PEG3: variants seen among roughly 807,000 people sequenced by gnomAD.
PEG3 encodes the protein paternally expressed 3, also known as paternally-expressed gene 3 protein.
In PEG3, 23 loss-of-function variants were observed where a neutral mutation model predicts 35.5. The ratio of observed to expected loss-of-function variants is 0.65; its 90% confidence interval spans 0.47 to 0.92. The LOEUF is 0.92. PEG3 is among the 40% of genes least tolerant of loss of function. PEG3 has a pLI of 0.00. For synonymous variants in PEG3, 707 were observed against 697.0 expected, an observed-to-expected ratio of 1.01 and a Z score of -0.23; for missense variants, 1,960 against 1,985.3, an observed-to-expected ratio of 0.99 and a Z score of 0.24.
chr19:56,832,473 C>T (rs1306617127), intron 2 of PEG3, among the ~76,000 whole-genome samples: 1 of 152,266 alleles, frequency 6.6e-6, no homozygotes, highest in East Asian at 1.9e-4. Flanking sequence ...AACTCTGGCC[C>T]ACAGGGCAAA....
chr19:56,826,557 A>G (rs1397361887), intron 2 of PEG3, 94 bp from the exon 3 acceptor site: 1 of 152,206 alleles, frequency 6.6e-6, no homozygotes, highest in African/African-American at 2.4e-5. Flanking sequence ...ACAACTGGGG[A>G]CTCAAATAGC....
chr19:56,818,121 CT>C (rs2060147735), intron 8 of PEG3, among the ~76,000 whole-genome samples: 2 of 152,204 alleles, frequency 1.3e-5, no homozygotes, highest in Admixed American at 1.3e-4. Context: ...CTTGTAACCA[CT>C]TTTTAAGTCC....
rs2048079133 is a variant in PEG3, at chr19:56,810,710, A to G, written c.*2965T>C. 1.0e-6 allele frequency: 1 copy of G among 983,662 alleles called. No homozygotes were observed. The highest frequency in any genetic ancestry group is 4.7e-5 in the South Asian group (1 of 21,260). The allele number at this position is 983,662 out of a possible 1,614,324, so 60.9% of individuals were successfully genotyped here. Reference sequence around the variant, plus strand: ...AGTTATTTTCCACATCTTTTCATTTAAGACTTTATGCACACATATTTAACA... The same window carrying G: ...AGTTATTTTCCACATCTTTTCATTTGAGACTTTATGCACACATATTTAACA... On this transcript the variant is annotated 3_prime_UTR_variant, in exon 10 of 10. Coordinates refer to ENST00000326441, the MANE Select transcript of PEG3 (RefSeq NM_006210.3).
chr19:56,823,769 A>G (rs1601073872), intron 4 of PEG3, 90 bp from the exon 5 acceptor site: 2 of 1,434,900 alleles, frequency 1.4e-6, no homozygotes, highest in Non-Finnish European at 2.0e-6. Flanking sequence ...TCCCTGTCAC[A>G]GACACACATG....
At position 56,818,711 on chromosome 19, in the gene PEG3, G is replaced by T; in HGVS notation, c.670-9C>A. 1 of 1,613,988 alleles carries T rather than the reference G, an allele frequency of 6.2e-7. No individual in the cohort carries two copies. The highest frequency in any genetic ancestry group is 8.5e-7 in the Non-Finnish European group (1 of 1,179,902). ...TGGTATGATTCAGCATCCTAAAACA[G>T]CAAACACAGACCTCTCAATGGAGTC... On this transcript the variant is annotated splice_polypyrimidine_tract_variant and intron_variant, in intron 7 of 9. Transcript: ENST00000326441.
Position 56,812,571 on chromosome 19 carries a change from G to A in PEG3, c.*1104C>T, listed in dbSNP as rs1170700934. On this transcript the variant is annotated 3_prime_UTR_variant, in exon 10 of 10. Transcript: ENST00000326441. ...TGGCAGCATAAGCTGATGCTGCACA[G>A]GGGACCCAAGCCATGTTGCTACTTG... 5.1e-6 allele frequency: 5 copies of A among 985,658 alleles called. No individual in the cohort carries two copies. Among genetic ancestry groups the A allele is most frequent in the Non-Finnish European group, 6.0e-6 (5 of 829,898 alleles). The allele number at this position is 985,658 out of a possible 1,614,324, so 61.1% of individuals were successfully genotyped here.
chr19:56,828,091 A>T (rs2061233307), intron 2 of PEG3, among the ~76,000 whole-genome samples: 1 of 152,258 alleles, frequency 6.6e-6, no homozygotes, highest in Non-Finnish European at 1.5e-5. Flanking sequence ...CTACCAGTAG[A>T]GGCCTTTAGA....
chr19:56,819,901 G>A (rs866441603), intron 7 of PEG3, among the ~76,000 whole-genome samples: 12 of 152,170 alleles, frequency 7.9e-5, no homozygotes, highest in Admixed American at 3.9e-4. Flanking sequence ...AGAGGTACGG[G>A]TATCTGGGTT....
At chr19:56,833,201 C>T (rs756636572) in intron 2 of PEG3, 6 of 514,584 alleles carry the variant, frequency 1.2e-5, no homozygotes, top group Middle Eastern at 3.2e-4. Flanking sequence ...GAAAATCCAC[C>T]GAGTCTCCTT....
At chr19:56,834,999 C>T (rs1173462967) in intron 2 of PEG3, among the ~76,000 whole-genome samples, 1 of 152,192 alleles carries the variant, frequency 6.6e-6, no homozygotes, top group Non-Finnish European at 1.5e-5. Context: ...CATCATGTGA[C>T]TCACTGTGCC....
At chr19:56,829,528 A>G (rs2061382665) in intron 2 of PEG3, among the ~76,000 whole-genome samples, 1 of 152,182 alleles carries the variant, frequency 6.6e-6, no homozygotes, top group African/African-American at 2.4e-5. Flanking sequence ...TGTTACTGCT[A>G]TGTAACCACA....
intron 2 of PEG3, chr19:56,833,474 AG>A (rs1321853018): frequency 3.4e-6 from 1 of 289,964 alleles, no homozygotes; most frequent in Non-Finnish European, 6.8e-6. Context: ...ATGCTGTCCC[AG>A]CCCAGGCCTA....
rs149573512 is a variant in PEG3 at position 56,815,776 on chromosome 19, C to T, written c.2666G>A (p.Arg889His). Residue 889 changes from arginine (R) to histidine (H), a missense_variant, in exon 10 of 10, where the codon CGC becomes CAC. Physicochemically the swap from Arg to His is conservative, Grantham distance 29 (BLOSUM62 0). Transcript: ENST00000326441. ...ENPCEGGSKN[R>H]NYEDSVIQSV... Reference sequence around the variant, plus strand: ...CTGTATGACAGAGTCTTCATAGTTGCGATTCTTACTGCCCCCTTCACAAGG... The same window carrying T: ...CTGTATGACAGAGTCTTCATAGTTGTGATTCTTACTGCCCCCTTCACAAGG... The T allele has an allele frequency of 9.5e-5, 153 of 1,613,490 alleles. No homozygotes were observed. In the Middle Eastern group the frequency reaches 1.2e-3, roughly 12 times the overall value.
Position 56,816,760 on chromosome 19 carries a change from T to C in PEG3, c.1682A>G (p.Lys561Arg). ...SELQKIYGKD[K>R]FYECRVCKET... ...CTTACACACCCTGCACTCGTAGAATTTGTCTTTGCCATATATTTTCTGAAG... is the reference window on the plus strand; with the variant it reads ...CTTACACACCCTGCACTCGTAGAATCTGTCTTTGCCATATATTTTCTGAAG... Residue 561 changes from lysine (K) to arginine (R), a missense_variant, in exon 10 of 10, where the codon AAA becomes AGA. Transcript: ENST00000326441. 1 of 1,614,140 alleles carries C rather than the reference T, an allele frequency of 6.2e-7. No individual in the cohort carries two copies. The highest frequency in any genetic ancestry group is 8.5e-7 in the Non-Finnish European group (1 of 1,180,024).
In PEG3 at chr19:56,825,693, A is replaced by G. The variant is rs559022064; in HGVS notation, c.-87+695T>C. Among the ~76,000 whole-genome samples the G allele has an allele frequency of 5.9e-5, 9 of 152,324 alleles. No individual in the cohort carries two copies. In the South Asian group the frequency reaches 1.7e-3, roughly 28 times the overall value. On this transcript the variant is annotated intron_variant, in intron 3 of 9. Coordinates refer to ENST00000326441, the MANE Select transcript of PEG3 (RefSeq NM_006210.3). ...TGCAACTAAGTAAGGCAATATGGGA[A>G]AGAAATCTAGGTCTGGGAGCATAAA...
Position 56,816,472 on chromosome 19 carries a change from T to C in PEG3, c.1970A>G (p.Asn657Ser), listed in dbSNP as rs754125021. The change falls in exon 10 of 10, where the codon AAC becomes AGC. Residue 657 changes from asparagine (N) to serine (S), a missense_variant. Physicochemically the swap from Asn to Ser is conservative, Grantham distance 46 (BLOSUM62 1). Coordinates refer to ENST00000326441, the MANE Select transcript of PEG3 (RefSeq NM_006210.3). ...KIHTRGNPFE[N>S]KGKVCEETFI... ...GGTTTCCTCACACACTTTACCCTTGTTTTCAAATGGGTTCCCTCTAGTATG... is the reference window on the plus strand; with the variant it reads ...GGTTTCCTCACACACTTTACCCTTGCTTTCAAATGGGTTCCCTCTAGTATG... The C allele has an allele frequency of 5.0e-6, 8 of 1,613,478 alleles. No homozygotes were observed. The highest frequency in any genetic ancestry group is 6.8e-6 in the Non-Finnish European group (8 of 1,179,806).
chr19:56,812,146 T>C lies in PEG3; in HGVS notation c.*1529A>G, dbSNP rs1446726091. The C allele has an allele frequency of 3.1e-6, 3 of 968,908 alleles. No individual in the cohort carries two copies. In the African/African-American group the frequency reaches 5.3e-5, roughly 17 times the overall value. The allele number at this position is 968,908 out of a possible 1,614,324, so 60.0% of individuals were successfully genotyped here. ...TTAAATTTTTTAAATTTTATATTTT[T>C]TTTCCAGCCAACTCAAGGCCAAAAA... is the stretch of plus-strand genomic sequence containing the variant. On this transcript the variant is annotated 3_prime_UTR_variant, in exon 10 of 10. Coordinates refer to ENST00000326441, the MANE Select transcript of PEG3 (RefSeq NM_006210.3).
chr19:56,838,256 G>C (rs1348110460), intron 1 of PEG3, among the ~76,000 whole-genome samples: 1 of 152,052 alleles, frequency 6.6e-6, no homozygotes, highest in Admixed American at 6.5e-5. Flanking sequence ...CAGTGGACCA[G>C]GCTCGGCAGC....
rs776290336 is a variant in PEG3 at position 56,816,196 on chromosome 19, G to A, written c.2246C>T (p.Ala749Val). The A allele has an allele frequency of 3.0e-5, 49 of 1,614,056 alleles. No individual in the cohort carries two copies. Among genetic ancestry groups the A allele is most frequent in the Admixed American group, 6.7e-5 (4 of 60,022 alleles). The change falls in exon 10 of 10, where the codon GCG becomes GTG. Residue 749 changes from alanine to valine, a missense_variant. Physicochemically the swap from Ala to Val is moderately conservative, Grantham distance 64. Coordinates refer to ENST00000326441, the MANE Select transcript of PEG3 (RefSeq NM_006210.3). ...ATAGGGGTTAGAGCTAATGGTGAAC[G>A]CCTTTTCGTCCTCATCACTTTCAAG... ...RPLESDEDEK[A>V]FTISSNPYEN...
Sources: allele counts gnomAD v4.1 joint callset (sites outside exome capture counted in the v4.1 genomes callset), GRCh38; gene constraint gnomAD v4.1.1; transcripts MANE v1.5; gene names NCBI Gene and HGNC (gene_info 2026-07-23, HGNC 2026-07-21).